INTS2: variants seen among roughly 807,000 people sequenced by gnomAD.
INTS2 encodes integrator complex subunit 2.
INTS2 carries 57 observed loss-of-function variants against 139.6 expected under a neutral mutation model. The observed-to-expected ratio is 0.41, with a 90% confidence interval of 0.33 to 0.51. The LOEUF is 0.51. Among genes scored for constraint, INTS2 ranks in the 20% least tolerant of loss-of-function variants. INTS2 has a pLI of 0.28. For synonymous variants in INTS2, 473 were observed against 493.4 expected (o/e 0.96, Z 0.55); for missense variants, 1,196 against 1,436.7 (o/e 0.83, Z 2.71).
chr17:61,914,343 G>C (rs1364977400), intron 5 of INTS2, among the ~76,000 whole-genome samples: 1 of 152,082 alleles, frequency 6.6e-6, no homozygotes. Flanking sequence ...GACCACTTTA[G>C]CCCAGGAGTC....
chr17:61,914,577 C>T (rs921769092), intron 5 of INTS2, among the ~76,000 whole-genome samples: 2 of 151,738 alleles, frequency 1.3e-5, no homozygotes, highest in Non-Finnish European at 2.9e-5. Flanking sequence ...GTGGCGGGCG[C>T]CTGTAGTCCC....
In INTS2 at chr17:61,869,182, CT is replaced by C. The variant is rs2079069630; in HGVS notation, c.3139-44del. ...GTTATTACATGTTTCTCAAGAATAT[CT>C]TTAGGTATTAAAAATTATAAAATGT... On this transcript the variant is annotated intron_variant, in intron 22 of 24. Coordinates refer to ENST00000251334, the MANE Select transcript of INTS2 (RefSeq NM_001351695.2). This position sits in a 1 kb window ranked among gnomAD's most constrained non-coding sequence, Gnocchi z 5.4. The C allele has an allele frequency of 6.8e-7, 1 of 1,479,912 alleles. No homozygotes were observed. Among genetic ancestry groups the C allele is most frequent in the Non-Finnish European group, 9.4e-7 (1 of 1,061,818 alleles). 91.7% of individuals were successfully genotyped at this position (1,479,912 alleles called of 1,614,324 possible). A position where few individuals can be genotyped will look rare whatever the true frequency, so the allele number is the denominator to read the frequency against.
chr17:61,885,423 T>A (rs1275766886), intron 15 of INTS2: 1 of 161,592 alleles, frequency 6.2e-6, no homozygotes, highest in African/African-American at 2.4e-5. Flanking sequence ...TCTTTTTTTT[T>A]TTTTTTTTGA....
At position 61,926,336 on chromosome 17, in the gene INTS2, T is replaced by C. The variant is rs190205190; in HGVS notation, c.293+16A>G. 3.8e-4 allele frequency: 596 copies of C among 1,556,482 alleles called. 8 individuals carry two copies. In the Admixed American group the frequency reaches 0.01, roughly 27 times the overall value. On this transcript the variant is annotated intron_variant, in intron 2 of 24. Coordinates refer to ENST00000251334, the MANE Select transcript of INTS2 (RefSeq NM_001351695.2). ...TTGTCAAATCCAAATCCACATATAA[T>C]ATAACATAACATTACCTAAGCTGCT...
chr17:61,901,660 C>T lies in INTS2; in HGVS notation c.1307+2800G>A, dbSNP rs1168458987. 3.0e-5 allele frequency among the ~76,000 whole-genome samples: 4 copies of T among 131,814 alleles called. No individual in the cohort carries two copies. In the Admixed American group the frequency reaches 3.5e-4, roughly 12 times the overall value. The allele number at this position is 131,814 out of a possible 152,430, so 86.5% of individuals were successfully genotyped here. A position where few individuals can be genotyped will look rare whatever the true frequency, so the allele number is the denominator to read the frequency against. On this transcript the variant is annotated intron_variant, in intron 9 of 24. Transcript: ENST00000251334. ...TGTAGCCCAGGCTGGAGTGCAGTGG[C>T]GCAATCTCGGCTCACTGCAAGCTCT...
chr17:61,912,623 CAAAT>C (rs2079539391), intron 5 of INTS2, among the ~76,000 whole-genome samples: 1 of 151,872 alleles, frequency 6.6e-6, no homozygotes, highest in South Asian at 2.1e-4. Flanking sequence ...AACTCCTTCT[CAAAT>C]AAATTAATTA....
At chr17:61,923,286 G>GCCAGC (rs2079668227) in intron 3 of INTS2, among the ~76,000 whole-genome samples, 1 of 150,798 alleles carries the variant, frequency 6.6e-6, no homozygotes, top group African/African-American at 2.4e-5. Flanking sequence ...GACCATCCTG[G>GCCAGC]CTAACACGGT....
Position 61,875,434 on chromosome 17 carries a change from AT to A in INTS2, c.2457-397del, listed in dbSNP as rs2145905214. 6.6e-6 allele frequency among the ~76,000 whole-genome samples: 1 copy of A among 152,358 alleles called. No individual in the cohort carries two copies. Among genetic ancestry groups the A allele is most frequent in the South Asian group, 2.1e-4 (1 of 4,834 alleles). ...TAAATGAAATAAGACTTGCCAAAAC[AT>A]TCTGTATCTAGTTCCATAAATATAA... On this transcript the variant is annotated intron_variant, in intron 18 of 24. Transcript: ENST00000251334. This position sits in a 1 kb window ranked among gnomAD's most constrained non-coding sequence, Gnocchi z 4.6.
At chr17:61,892,618 G>A (rs746919262) in intron 13 of INTS2, among the ~76,000 whole-genome samples, 2 of 151,938 alleles carry the variant, frequency 1.3e-5, no homozygotes, top group Non-Finnish European at 2.9e-5. Context: ...GCAAAATAGC[G>A]AGACCCTGTC....
At chr17:61,926,705 C>A in intron 1 of INTS2, 43 bp from the exon 2 acceptor site, 4 of 1,452,304 alleles carry the variant, frequency 2.8e-6, no homozygotes, top group Non-Finnish European at 3.8e-6. Flanking sequence ...TTAACTTTCA[C>A]ATGTATGAAC....
rs1247940758 is a variant in INTS2, at chr17:61,893,872, G to A, written c.1591C>T (p.Pro531Ser). The change falls in exon 13 of 25, where the codon CCT becomes TCT. Residue 531 changes from proline to serine, a missense_variant. Around this residue, in one of 3 missense-constraint regions of INTS2, gnomAD observed 1,129 missense variants for 1,341.9 expected, o/e 0.84. Transcript: ENST00000251334. This position sits in a 1 kb window ranked among gnomAD's most constrained non-coding sequence, Gnocchi z 5.4. ...QVVTAHAVRV[P>S]VTSNLSANIT... ...TTGGCACTCAGGTTGCTGGTGACAG[G>A]GACCCGAACTGCATGAGCTGTGACA... The A allele has an allele frequency of 1.3e-6, 2 of 1,577,368 alleles. No individual in the cohort carries two copies. The highest frequency in any genetic ancestry group is 1.2e-5 in the South Asian group (1 of 85,390).
At chr17:61,915,067 G>A (rs74889019) in intron 5 of INTS2, among the ~76,000 whole-genome samples, 24,488 of 151,138 alleles carry the variant, frequency 0.16, 2,449 homozygotes, top group East Asian at 0.53. Context: ...AGCCGGGCGC[G>A]GTGGCTCACG....
chr17:61,874,067 A>G (rs1001219871), intron 19 of INTS2: 1 of 152,150 alleles, frequency 6.6e-6, no homozygotes, highest in Non-Finnish European at 1.5e-5. Context: ...CCTAAACCCT[A>G]TGTCCACTCT....
rs1178591881 is a variant in INTS2, at chr17:61,869,935, C to G, written c.2832G>C (p.Glu944Asp). The change falls in exon 21 of 25, where the codon GAG (glutamate) becomes GAC (aspartate). Residue 944 changes from glutamate (E) to aspartate (D), a missense_variant. Coordinates refer to ENST00000251334, the MANE Select transcript of INTS2 (RefSeq NM_001351695.2). The surrounding 1 kb of genome is among the most constrained non-coding windows in gnomAD (Gnocchi z 5.4). ...TATCTGGATTGACACCATTTGCTTT[C>G]TCCTCTTCAGTAGGTAGGCAAATCT... ...LLEICLPTEE[E>D]KANGVNPDSL... 1.2e-6 allele frequency: 2 copies of G among 1,613,758 alleles called. No individual in the cohort carries two copies. Among genetic ancestry groups the G allele is most frequent in the Non-Finnish European group, 1.7e-6 (2 of 1,179,710 alleles).
At chr17:61,923,010 A>G (rs2079663724) in intron 3 of INTS2, among the ~76,000 whole-genome samples, 1 of 151,426 alleles carries the variant, frequency 6.6e-6, no homozygotes, top group Non-Finnish European at 1.5e-5. Context: ...CCAGGAGGCA[A>G]AGGTTGCAGT....
intron 7 of INTS2, among the ~76,000 whole-genome samples, chr17:61,908,548 T>C (rs1291092408): frequency 1.3e-5 from 2 of 152,146 alleles, no homozygotes; most frequent in Admixed American, 6.5e-5. Flanking sequence ...GTCTGTTAAG[T>C]AGATGAATGA....
intron 5 of INTS2, among the ~76,000 whole-genome samples, chr17:61,915,061 G>A (rs376542096): frequency 1.3e-4 from 20 of 151,442 alleles, no homozygotes; most frequent in African/African-American, 4.4e-4. Flanking sequence ...AAAATTAGCC[G>A]GGCGCGGTGG....
At chr17:61,901,936 C>A (rs1027880819) in intron 9 of INTS2, among the ~76,000 whole-genome samples, 8 of 152,002 alleles carry the variant, frequency 5.3e-5, no homozygotes, top group African/African-American at 1.9e-4. Context: ...GAAGTAAATT[C>A]TTTTTGAGAC....
At position 61,870,086 on chromosome 17, in the gene INTS2, T is replaced by C. The variant is rs2079077280; in HGVS notation, c.2779-98A>G. The C allele has an allele frequency of 8.6e-7, 1 of 1,167,068 alleles. No homozygotes were observed. Among genetic ancestry groups the C allele is most frequent in the Admixed American group, 2.7e-5 (1 of 37,642 alleles). The allele number at this position is 1,167,068 out of a possible 1,614,324, so 72.3% of individuals were successfully genotyped here. ...ACATGAACAGATATGATAAAATAAC[T>C]AATTTCTTAAACACACATACACAAA... On this transcript the variant is annotated intron_variant, in intron 20 of 24. Transcript: ENST00000251334. The surrounding 1 kb of genome is among the most constrained non-coding windows in gnomAD (Gnocchi z 4.4).
Sources: allele counts gnomAD v4.1 joint callset (sites outside exome capture counted in the v4.1 genomes callset), GRCh38; gene constraint gnomAD v4.1.1; regional missense constraint gnomAD v4.1.1; non-coding constraint Gnocchi (gnomAD v3.1); transcripts MANE v1.5; gene names NCBI Gene and HGNC (gene_info 2026-07-23, HGNC 2026-07-21).